CFAP299: variants seen among roughly 807,000 people sequenced by gnomAD.
CFAP299 encodes cilia- and flagella-associated protein 299.
A neutral mutation model predicts 27.0 loss-of-function variants in CFAP299; 21 were observed. The ratio of observed to expected loss-of-function variants is 0.78; its 90% CI spans 0.55 to 1.12. The LOEUF (loss-of-function observed/expected upper bound fraction) is 1.12. CFAP299 is among the 50% of genes most tolerant of loss of function. CFAP299 has a pLI of 0.00. For missense variants in CFAP299, 310 were observed against 276.6 expected (o/e 1.12, Z -0.86); for synonymous variants, 104 against 98.1 (o/e 1.06, Z -0.36).
intron 4 of CFAP299, among the ~76,000 whole-genome samples, chr4:80,884,602 AT>A: frequency 6.6e-6 from 1 of 151,326 alleles, no homozygotes; most frequent in South Asian, 2.1e-4. Context: ...GAGGAAGAAA[AT>A]AATAAAGAAA....
At chr4:80,409,222 A>G (rs1023867771) in intron 2 of CFAP299, among the ~76,000 whole-genome samples, 14 of 152,256 alleles carry the variant, frequency 9.2e-5, no homozygotes, top group African/African-American at 3.4e-4. Flanking sequence ...TATTATTTAT[A>G]ATAGGTCAAA....
chr4:80,829,922 G>A (rs1156264395), intron 3 of CFAP299, among the ~76,000 whole-genome samples: 1 of 152,040 alleles, frequency 6.6e-6, no homozygotes, highest in African/African-American at 2.4e-5. Flanking sequence ...GAGGCTAGGG[G>A]AAGGCAGGGA....
At chr4:80,524,357 T>C (rs1262253945) in intron 2 of CFAP299, among the ~76,000 whole-genome samples, 2 of 152,058 alleles carry the variant, frequency 1.3e-5, no homozygotes, top group Non-Finnish European at 2.9e-5. Context: ...GCCTCAGCAC[T>C]ATTGACAGTT....
At chr4:80,756,443 G>A (rs911995305) in intron 3 of CFAP299, among the ~76,000 whole-genome samples, 1 of 151,806 alleles carries the variant, frequency 6.6e-6, no homozygotes, top group African/African-American at 2.4e-5. Context: ...CCATATCAGG[G>A]GTTGGCAAAC....
intron 2 of CFAP299, among the ~76,000 whole-genome samples, chr4:80,468,272 T>G (rs1383928345): frequency 3.3e-5 from 5 of 150,964 alleles, no homozygotes; most frequent in East Asian, 2.0e-4. Flanking sequence ...CAGGCTGGAG[T>G]GCACTGGCTG....
chr4:80,673,492 T>C (rs1719151255), intron 3 of CFAP299, among the ~76,000 whole-genome samples: 1 of 151,912 alleles, frequency 6.6e-6, no homozygotes, highest in African/African-American at 2.4e-5. Context: ...TTCTGTTGAT[T>C]TGAGGTGGAG....
At chr4:80,614,488 G>A (rs556131203) in intron 3 of CFAP299, among the ~76,000 whole-genome samples, 3 of 152,146 alleles carry the variant, frequency 2.0e-5, no homozygotes, top group East Asian at 1.9e-4. Flanking sequence ...AAGATGGCTC[G>A]GATTTGATTT....
chr4:80,336,133 G>A (rs762135472), intron 1 of CFAP299, among the ~76,000 whole-genome samples: 4 of 152,204 alleles, frequency 2.6e-5, no homozygotes, highest in Non-Finnish European at 5.9e-5. Flanking sequence ...CTCACACTGG[G>A]GAGCCATGAA....
At chr4:80,801,722 A>C (rs1183008389) in intron 3 of CFAP299, among the ~76,000 whole-genome samples, 1 of 152,118 alleles carries the variant, frequency 6.6e-6, no homozygotes. Flanking sequence ...ATTGGGAAGA[A>C]AGATAAAGAA....
chr4:80,348,585 C>A (rs893493135), intron 1 of CFAP299, among the ~76,000 whole-genome samples: 4 of 152,186 alleles, frequency 2.6e-5, no homozygotes, highest in Admixed American at 1.3e-4. Flanking sequence ...CAATGAGATA[C>A]CATCTCACGC....
At chr4:80,502,315 G>T (rs897204629) in intron 2 of CFAP299, among the ~76,000 whole-genome samples, 1 of 152,022 alleles carries the variant, frequency 6.6e-6, no homozygotes, top group Admixed American at 6.6e-5. Flanking sequence ...GAAAATCAAA[G>T]CTGTAGGCAG....
intron 5 of CFAP299, among the ~76,000 whole-genome samples, chr4:80,947,409 C>T (rs899503069): frequency 1.1e-4 from 17 of 152,082 alleles, no homozygotes; most frequent in African/African-American, 3.9e-4. Flanking sequence ...TAAACAGAGT[C>T]CTAGGCTTTA....
rs955771156 is a variant in CFAP299 at position 80,591,118 on chromosome 4, T to A, written c.333+7935T>A. Among the ~76,000 whole-genome samples the A allele has an allele frequency of 4.0e-3, 578 of 142,860 alleles. 4 individuals carry two copies. The highest frequency in any genetic ancestry group is 0.019 in the South Asian group (87 of 4,470). 93.7% of individuals were successfully genotyped at this position (142,860 alleles called of 152,430 possible). ...ATACTTTAGGAAATTTTTTTTTTTT[T>A]TTTTTTTTTTTTTATTTTTTTTTGA... On this transcript the variant is annotated intron_variant, in intron 3 of 5. Transcript: ENST00000358105.
intron 3 of CFAP299, among the ~76,000 whole-genome samples, chr4:80,810,982 GTC>G (rs954414762): frequency 6.6e-6 from 1 of 152,036 alleles, no homozygotes; most frequent in Non-Finnish European, 1.5e-5. Flanking sequence ...ACCTGCATAT[GTC>G]TGTCTCCACA....
intron 3 of CFAP299, among the ~76,000 whole-genome samples, chr4:80,869,230 G>A (rs1382437784): frequency 2.6e-5 from 4 of 152,026 alleles, no homozygotes; most frequent in African/African-American, 7.2e-5. Context: ...AAAATGAAAA[G>A]GGCTGAGGAT....
At chr4:80,665,818 GT>G (rs1741118455) in intron 3 of CFAP299, among the ~76,000 whole-genome samples, 1 of 152,076 alleles carries the variant, frequency 6.6e-6, no homozygotes, top group Non-Finnish European at 1.5e-5. Context: ...CCTTGGTACT[GT>G]TCTCAGAATA....
chr4:80,418,016 T>G (rs1484223013), intron 2 of CFAP299, among the ~76,000 whole-genome samples: 1 of 152,180 alleles, frequency 6.6e-6, no homozygotes, highest in Non-Finnish European at 1.5e-5. Context: ...CAAATAAATT[T>G]ATATTATTTG....
rs974719952 is a variant in CFAP299, at chr4:80,406,349, A to G, written c.242+43465A>G. Among the ~76,000 whole-genome samples the G allele has an allele frequency of 2.6e-5, 4 of 152,052 alleles. No homozygotes were observed. In the East Asian group the frequency reaches 7.7e-4, roughly 29 times the overall value. ...TCAGATTCATACTCTATCCATTCCT[A>G]ATACAAACCTTTTTTAAGTGTAATT... is the stretch of plus-strand genomic sequence containing the variant. On this transcript the variant is annotated intron_variant, in intron 2 of 5. Transcript: ENST00000358105.
intron 3 of CFAP299, among the ~76,000 whole-genome samples, chr4:80,637,181 G>C (rs1739493674): frequency 6.6e-6 from 1 of 152,094 alleles, no homozygotes; most frequent in Admixed American, 6.5e-5. Flanking sequence ...GTTTAATAAA[G>C]ATAAAGTGTT....
Sources: gnomAD v4.1 joint callset for allele counts (sites outside exome capture counted in the v4.1 genomes callset) on GRCh38, gnomAD v4.1.1 for gene constraint, MANE v1.5 for transcripts, NCBI Gene and HGNC (gene_info 2026-07-23, HGNC 2026-07-21) for gene names.